CDH13: variants seen among roughly 807,000 people sequenced by gnomAD.
CDH13 encodes the protein cadherin-13.
In CDH13, 24 loss-of-function variants were observed where a neutral mutation model predicts 63.8. The observed-to-expected ratio is 0.38, with a 90% CI of 0.27 to 0.53. The LOEUF (loss-of-function observed/expected upper bound fraction) is 0.53, where lower values mean the gene tolerates loss of function less well. Ranked by LOEUF, CDH13 falls within the 20% of genes least tolerant of loss-of-function variation. The probability of loss-of-function intolerance (pLI) is 0.85; values close to 1 mark genes in which losing one functional copy is unlikely to be tolerated. For synonymous variants in CDH13, 503 were observed against 355.3 expected (o/e 1.42, Z -4.67); for missense variants, 1,049 against 903.1 (o/e 1.16, Z -2.07).
At chr16:82,750,413 A>G (rs985064077) in intron 1 of CDH13, among the ~76,000 whole-genome samples, 1 of 151,928 alleles carries the variant, frequency 6.6e-6, no homozygotes, top group Non-Finnish European at 1.5e-5. Context: ...TTTATCACCC[A>G]CTCTCTCCTT....
intron 6 of CDH13, among the ~76,000 whole-genome samples, chr16:83,403,267 A>G (rs1164201720): frequency 2.0e-5 from 3 of 152,124 alleles, no homozygotes; most frequent in Non-Finnish European, 4.4e-5. Flanking sequence ...CTTCACAGTG[A>G]CTCACCACTT....
intron 5 of CDH13, among the ~76,000 whole-genome samples, chr16:83,299,269 G>A (rs2089675118): frequency 6.9e-6 from 1 of 144,122 alleles, no homozygotes; most frequent in African/African-American, 2.6e-5. Context: ...TTGGATGCTT[G>A]CTTGGATTGT....
chr16:83,056,054 G>C (rs1325164829), intron 3 of CDH13, among the ~76,000 whole-genome samples: 1 of 152,086 alleles, frequency 6.6e-6, no homozygotes, highest in Non-Finnish European at 1.5e-5. Flanking sequence ...TATTTAACAG[G>C]CTTTTAACAA....
At chr16:83,560,537 T>C (rs1424541536) in intron 7 of CDH13, among the ~76,000 whole-genome samples, 1 of 152,172 alleles carries the variant, frequency 6.6e-6, no homozygotes, top group East Asian at 1.9e-4. Flanking sequence ...TGGTGTGGTA[T>C]TAGACAACAG....
chr16:83,193,412 A>C (rs566336966), intron 4 of CDH13, among the ~76,000 whole-genome samples: 1 of 152,192 alleles, frequency 6.6e-6, no homozygotes, highest in Non-Finnish European at 1.5e-5. Context: ...TGCGAGCCCC[A>C]AACCCTACCT....
chr16:83,663,099 A>G (rs551111895), intron 8 of CDH13, among the ~76,000 whole-genome samples: 4 of 152,322 alleles, frequency 2.6e-5, no homozygotes, highest in African/African-American at 7.2e-5. Flanking sequence ...TGGGAAACCT[A>G]TATTTCTCTT....
At chr16:82,959,247 A>G (rs1906589660) in intron 2 of CDH13, among the ~76,000 whole-genome samples, 2 of 152,240 alleles carry the variant, frequency 1.3e-5, no homozygotes, top group South Asian at 4.1e-4. Context: ...TAAAAAGATG[A>G]CAGACACAGG....
At position 83,496,387 on chromosome 16, in the gene CDH13, C is replaced by G. The variant is rs573151352; in HGVS notation, c.960+9732C>G. On this transcript the variant is annotated intron_variant, in intron 7 of 13. Transcript: ENST00000567109. Reference sequence around the variant, plus strand: ...TACAACTATCTGATCTTTGACAAACCTGAGAAAAACAAGCAATGGGGAAAG... The same window carrying G: ...TACAACTATCTGATCTTTGACAAACGTGAGAAAAACAAGCAATGGGGAAAG... Among the ~76,000 whole-genome samples, 15 of 150,620 alleles carry G rather than the reference C, an allele frequency of 1.0e-4. No homozygotes were observed. In the East Asian group the frequency reaches 2.7e-3, roughly 28 times the overall value.
intron 6 of CDH13, among the ~76,000 whole-genome samples, chr16:83,471,677 G>A (rs987903741): frequency 6.6e-6 from 1 of 152,152 alleles, no homozygotes; most frequent in Non-Finnish European, 1.5e-5. Flanking sequence ...TAAACTGAAG[G>A]CAGGGTTTGA....
intron 6 of CDH13, among the ~76,000 whole-genome samples, chr16:83,348,431 C>T (rs892566027): frequency 1.3e-5 from 2 of 152,196 alleles, no homozygotes; most frequent in Non-Finnish European, 2.9e-5. Flanking sequence ...ACTCATGTCA[C>T]TTTTTTCTGA....
At chr16:82,820,800 A>G (rs191652499) in intron 1 of CDH13, among the ~76,000 whole-genome samples, 3 of 152,314 alleles carry the variant, frequency 2.0e-5, no homozygotes, top group Admixed American at 6.5e-5. Flanking sequence ...GATTTCCTAG[A>G]TCTGGCCCTG....
intron 1 of CDH13, among the ~76,000 whole-genome samples, chr16:82,785,339 C>T (rs1487143383): frequency 6.6e-6 from 1 of 152,126 alleles, no homozygotes; most frequent in Admixed American, 6.5e-5. Context: ...TATCCTTTTC[C>T]TCTGCAGTTT....
intron 1 of CDH13, among the ~76,000 whole-genome samples, chr16:82,725,407 A>C (rs572890516): frequency 6.6e-6 from 1 of 152,310 alleles, no homozygotes; most frequent in African/African-American, 2.4e-5. Flanking sequence ...TGTCTGGCTT[A>C]CAAGCTAGCT....
At chr16:82,945,980 C>G (rs752110631) in intron 2 of CDH13, among the ~76,000 whole-genome samples, 5 of 151,924 alleles carry the variant, frequency 3.3e-5, no homozygotes, top group Non-Finnish European at 7.4e-5. Context: ...TGGTCTTCAC[C>G]TTTGTCCTTC....
intron 5 of CDH13, among the ~76,000 whole-genome samples, chr16:83,287,225 G>T (rs990971020): frequency 6.6e-6 from 1 of 152,202 alleles, no homozygotes; most frequent in African/African-American, 2.4e-5. Context: ...CTGATCACTG[G>T]CAGAACCCAG....
intron 7 of CDH13, among the ~76,000 whole-genome samples, chr16:83,547,409 G>C (rs958503647): frequency 6.6e-6 from 1 of 152,152 alleles, no homozygotes; most frequent in Admixed American, 6.5e-5. Context: ...TGTCACCTGG[G>C]TACTAAGTAT....
intron 5 of CDH13, among the ~76,000 whole-genome samples, chr16:83,301,601 A>G (rs1179523107): frequency 6.6e-6 from 1 of 152,116 alleles, no homozygotes; most frequent in African/African-American, 2.4e-5. Flanking sequence ...TCTCGGATGT[A>G]AGAGAGGTTG....
At chr16:83,565,328 C>T (rs925337713) in intron 7 of CDH13, among the ~76,000 whole-genome samples, 2 of 151,854 alleles carry the variant, frequency 1.3e-5, no homozygotes, top group Non-Finnish European at 2.9e-5. Context: ...CTCTCCCCAG[C>T]CCTGACAACC....
chr16:82,654,022 T>A (rs1911026813), intron 1 of CDH13, among the ~76,000 whole-genome samples: 1 of 152,124 alleles, frequency 6.6e-6, no homozygotes, highest in African/African-American at 2.4e-5. Context: ...CTGGTTGGAA[T>A]CACTCAGGCA....
Sources: gnomAD v4.1 joint callset for allele counts (sites outside exome capture counted in the v4.1 genomes callset) on GRCh38, gnomAD v4.1.1 for gene constraint, MANE v1.5 for transcripts, NCBI Gene and HGNC (gene_info 2026-07-23, HGNC 2026-07-21) for gene names.